TBC1D8B: variants seen among roughly 807,000 people sequenced by gnomAD.
The protein encoded by TBC1D8B is TBC1 domain family member 8B.
TBC1D8B carries 75 observed loss-of-function variants against 82.9 expected under a neutral mutation model. That is an observed-to-expected ratio of 0.90 (90% CI 0.75 to 1.10). The LOEUF is 1.10. Among genes scored for constraint, TBC1D8B ranks in the 50% least tolerant of loss-of-function variants. The pLI is 0.00. For missense variants in TBC1D8B, 794 were observed against 796.9 expected, an observed-to-expected ratio of 1.00 and a Z score of 0.04; for synonymous variants, 276 against 276.8, an observed-to-expected ratio of 1.00 and a Z score of 0.03.
At chrX:106,803,034 A>G in intron 1 of TBC1D8B, 51 bp downstream of exon 1, 1 of 1,140,128 alleles carries the variant, frequency 8.8e-7, no homozygotes, top group South Asian at 2.1e-5. Flanking sequence ...CTGTTACTTA[A>G]AAGGTGGTGA....
chrX:106,844,143 G>A (rs1191537276), intron 10 of TBC1D8B, among the ~76,000 whole-genome samples: 2 of 110,355 alleles, frequency 1.8e-5, no homozygotes, highest in Admixed American at 1.9e-4. Flanking sequence ...CAAAATCATG[G>A]CATCTGAATA....
Position 106,853,647 on chromosome X carries a change from T to C in TBC1D8B, c.2250T>C (p.Asn750=). The change falls in exon 13 of 21, where the codon AAT becomes AAC. Residue 750 remains asparagine (N), a synonymous_variant. Coordinates refer to ENST00000357242, the MANE Select transcript of TBC1D8B (RefSeq NM_017752.3). The part of the protein sequence containing the change: ...VDITDLIRES[N]EKYGNIRYED... Reference sequence around the variant, plus strand: ...TTACAGATTTGATTAGAGAATCAAATGAGGTAAGTTTTTTCATGCCATAAA... The same window carrying C: ...TTACAGATTTGATTAGAGAATCAAACGAGGTAAGTTTTTTCATGCCATAAA... 1 of 1,205,424 alleles carries C rather than the reference T, an allele frequency of 8.3e-7. No homozygotes were observed. The highest frequency in any genetic ancestry group is 1.1e-6 in the Non-Finnish European group (1 of 890,835).
At chrX:106,839,000 G>A (rs1444269209) in intron 7 of TBC1D8B, among the ~76,000 whole-genome samples, 5 of 111,521 alleles carry the variant, frequency 4.5e-5, no homozygotes, top group African/African-American at 9.8e-5. Flanking sequence ...AGTTTTTCTC[G>A]AATAGGTGCT....
Position 106,848,315 on chromosome X carries a change from A to G in TBC1D8B, c.1837+12A>G. 9.2e-7 allele frequency: 1 copy of G among 1,086,708 alleles called. No homozygotes were observed. The highest frequency in any genetic ancestry group is 1.3e-6 in the Non-Finnish European group (1 of 791,204). The allele number at this position is 1,086,708 out of a possible 1,213,427, so 89.6% of individuals were successfully genotyped here. ...TCGTCGAATTATTGGTAAAAGAAAA[A>G]CCACACACACACATATGCATACACA... On this transcript the variant is annotated intron_variant, in intron 11 of 20. Transcript: ENST00000357242.
At position 106,848,252 on chromosome X, in the gene TBC1D8B, G is replaced by T. The variant is rs1440149033; in HGVS notation, c.1786G>T (p.Val596Phe). The change falls in exon 11 of 21, where the codon GTT (valine) becomes TTT (phenylalanine). Residue 596 changes from valine to phenylalanine, a missense_variant. By Grantham distance (50) the Val-to-Phe change is conservative. Coordinates refer to ENST00000357242, the MANE Select transcript of TBC1D8B (RefSeq NM_017752.3). Reference sequence around the variant, plus strand: ...AGAGGAAGAAGCTTTTTGGCTTCTGGTTGCTGTATGTGAACGAATGTTGCC... The same window carrying T: ...AGAGGAAGAAGCTTTTTGGCTTCTGTTTGCTGTATGTGAACGAATGTTGCC... ...AKEEEAFWLL[V>F]AVCERMLPDY... is the part of the protein sequence containing the mutation. 1.7e-6 allele frequency: 2 copies of T among 1,195,170 alleles called. No homozygotes were observed. The highest frequency in any genetic ancestry group is 4.4e-5 in the Admixed American group (2 of 45,383).
At chrX:106,846,820 A>C (rs1932466041) in intron 10 of TBC1D8B, among the ~76,000 whole-genome samples, 1 of 112,209 alleles carries the variant, frequency 8.9e-6, no homozygotes, top group Non-Finnish European at 1.9e-5. Flanking sequence ...TGAAAGGATT[A>C]ATCACAGAAG....
At chrX:106,818,012 C>T (rs766691587) in intron 1 of TBC1D8B, among the ~76,000 whole-genome samples, 1 of 110,261 alleles carries the variant, frequency 9.1e-6, no homozygotes, top group Non-Finnish European at 1.9e-5. Context: ...GATCAAGAAC[C>T]TTGAATTCCT....
intron 1 of TBC1D8B, among the ~76,000 whole-genome samples, chrX:106,812,901 T>A (rs933004606): frequency 1.8e-5 from 2 of 110,758 alleles, no homozygotes; most frequent in African/African-American, 6.6e-5. Flanking sequence ...CAGGTGGGGG[T>A]GCAGCGGCGC....
intron 5 of TBC1D8B, among the ~76,000 whole-genome samples, chrX:106,825,386 T>A (rs1321112123): frequency 9.0e-6 from 1 of 111,606 alleles, no homozygotes. Flanking sequence ...AATTATACTA[T>A]TTAAAGCAAT....
chrX:106,866,163 C>G (rs1932814097), intron 16 of TBC1D8B, 130 bp downstream of exon 16: 3 of 647,291 alleles, frequency 4.6e-6, no homozygotes, highest in Non-Finnish European at 6.7e-6. Flanking sequence ...TAAATGGACC[C>G]TTTTCTGCAT....
intron 11 of TBC1D8B, 28 bp from the exon 12 acceptor site, chrX:106,849,997 T>C: frequency 1.7e-6 from 2 of 1,151,636 alleles, no homozygotes; most frequent in Non-Finnish European, 2.3e-6. Flanking sequence ...AAAATGTTTA[T>C]TTTTAAACTT....
At chrX:106,821,771 A>G (rs951969816) in intron 3 of TBC1D8B, among the ~76,000 whole-genome samples, 17 of 111,854 alleles carry the variant, frequency 1.5e-4, no homozygotes, top group Non-Finnish European at 3.2e-4. Context: ...TCTTCGGTGC[A>G]TGGCAAATTC....
chrX:106,847,604 G>C (rs1932485384), intron 10 of TBC1D8B, among the ~76,000 whole-genome samples: 1 of 111,380 alleles, frequency 9.0e-6, no homozygotes, highest in Admixed American at 9.6e-5. Flanking sequence ...AGTGGTAGTG[G>C]GAATGGGAAG....
intron 7 of TBC1D8B, 167 bp downstream of exon 7, chrX:106,827,504 G>A (rs1025505813): frequency 1.6e-4 from 78 of 476,186 alleles, no homozygotes; most frequent in Non-Finnish European, 2.5e-4. Context: ...TTAAGCAGAA[G>A]TGAGAATTAA....
chrX:106,814,218 T>C lies in TBC1D8B; in HGVS notation c.131-4445T>C, dbSNP rs1931465968. ...TTTTTTATGGCTGTATAGTATTCCA[T>C]GGTGTATATGTGCCACATTTTCTTA... On this transcript the variant is annotated intron_variant, in intron 1 of 20. Transcript: ENST00000357242. The C allele has an allele frequency of 2.7e-5, 3 of 111,432 alleles. No homozygotes were observed. In the South Asian group the frequency reaches 1.2e-3, roughly 43 times the overall value. 9.2% of individuals were successfully genotyped at this position (111,432 alleles called of 1,213,427 possible). A position where few individuals can be genotyped will look rare whatever the true frequency, so the allele number is the denominator to read the frequency against.
At chrX:106,847,463 A>T (rs1237045356) in intron 10 of TBC1D8B, among the ~76,000 whole-genome samples, 5 of 111,773 alleles carry the variant, frequency 4.5e-5, no homozygotes, top group Non-Finnish European at 9.4e-5. Context: ...TTTCTCATTC[A>T]TACTTTTCCA....
chrX:106,822,738 C>T (rs947005524), intron 4 of TBC1D8B, among the ~76,000 whole-genome samples: 1 of 109,487 alleles, frequency 9.1e-6, no homozygotes, highest in Non-Finnish European at 1.9e-5. Context: ...TGGCTCACGC[C>T]TATAATCCTA....
chrX:106,869,592 A>C (rs776917480), intron 19 of TBC1D8B, 51 bp downstream of exon 19: 2 of 1,021,456 alleles, frequency 2.0e-6, no homozygotes, highest in Non-Finnish European at 2.7e-6. Flanking sequence ...TTTTTATGTA[A>C]ATAAGGATAG....
At chrX:106,864,575 G>C (rs1932801408) in intron 14 of TBC1D8B, among the ~76,000 whole-genome samples, 1 of 94,279 alleles carries the variant, frequency 1.1e-5, no homozygotes, top group Admixed American at 1.3e-4. Flanking sequence ...CTGGAATACA[G>C]TGGCATGATC....
Sources: gnomAD v4.1 joint callset for allele counts (sites outside exome capture counted in the v4.1 genomes callset) on GRCh38, gnomAD v4.1.1 for gene constraint, MANE v1.5 for transcripts, NCBI Gene and HGNC (gene_info 2026-07-23, HGNC 2026-07-21) for gene names.